The following SPATA6 variants were observed in gnomAD, a reference collection of about 807,000 sequenced individuals.
SPATA6 encodes spermatogenesis associated 6.
SPATA6 carries 56 observed loss-of-function variants against 65.3 expected under a neutral mutation model. That is an observed-to-expected ratio of 0.86 (90% CI 0.69 to 1.07). The LOEUF is 1.07. Among genes scored for constraint, SPATA6 ranks in the 50% least tolerant of loss-of-function variants. The pLI is 0.00. For missense variants in SPATA6, 590 were observed against 594.8 expected, an observed-to-expected ratio of 0.99 and a Z score of 0.08; for synonymous variants, 199 against 213.2, an observed-to-expected ratio of 0.93 and a Z score of 0.58.
chr1:48,434,267 A>G lies in SPATA6; in HGVS notation c.238+17285T>C, dbSNP rs1654678218. ...GAGATACAGCAGTGAAAGAAAAAAA[A>G]AAAAAAAAAAACAGGAAAAATCTCT... On this transcript the variant is annotated intron_variant, in intron 3 of 12. Transcript: ENST00000371847. 2.6e-5 allele frequency among the ~76,000 whole-genome samples: 4 copies of G among 151,472 alleles called. No homozygotes were observed. In the South Asian group the frequency reaches 8.3e-4, roughly 31 times the overall value.
At chr1:48,378,708 C>T (rs917301370) in intron 9 of SPATA6, among the ~76,000 whole-genome samples, 9 of 152,164 alleles carry the variant, frequency 5.9e-5, no homozygotes, top group Non-Finnish European at 1.2e-4. Context: ...CAATCATCTC[C>T]CCCTGGGTAC....
chr1:48,273,018 C>T, the SPATA6 span, among the ~76,000 whole-genome samples: 1 of 152,044 alleles, frequency 6.6e-6, no homozygotes, highest in Non-Finnish European at 1.5e-5. Context: ...GGATTTAACC[C>T]CTTATTGAAT....
intron 11 of SPATA6, among the ~76,000 whole-genome samples, chr1:48,322,333 T>C (rs1280601079): frequency 2.0e-5 from 3 of 152,124 alleles, no homozygotes; most frequent in Admixed American, 2.0e-4. Flanking sequence ...ATTCCCTATA[T>C]AATAAATGGG....
chr1:48,364,075 G>C (rs1646912658), intron 9 of SPATA6, among the ~76,000 whole-genome samples: 1 of 152,138 alleles, frequency 6.6e-6, no homozygotes, highest in South Asian at 2.1e-4. Context: ...CCTTGCGATA[G>C]TTTACTGAGA....
chr1:48,466,132 A>G (rs1657790905), intron 1 of SPATA6, among the ~76,000 whole-genome samples: 1 of 152,158 alleles, frequency 6.6e-6, no homozygotes, highest in Non-Finnish European at 1.5e-5. Flanking sequence ...CAATGATACT[A>G]GGAAATATGT....
downstream of SPATA6, among the ~76,000 whole-genome samples, chr1:48,293,603 T>C (rs1314080407): frequency 6.6e-6 from 1 of 152,214 alleles, no homozygotes; most frequent in Non-Finnish European, 1.5e-5. Flanking sequence ...ATGAGAGTAA[T>C]GCTAAGTTAC....
intron 11 of SPATA6, among the ~76,000 whole-genome samples, chr1:48,315,814 C>G (rs1645396847): frequency 6.6e-6 from 1 of 152,130 alleles, no homozygotes; most frequent in African/African-American, 2.4e-5. Context: ...CCAAAATCTC[C>G]TTAAGCTGAT....
intron 1 of SPATA6, among the ~76,000 whole-genome samples, chr1:48,454,253 T>C (rs1327814409): frequency 6.6e-6 from 1 of 152,102 alleles, no homozygotes; most frequent in East Asian, 1.9e-4. Flanking sequence ...GAGTACAATA[T>C]AATATTACCC....
At chr1:48,439,048 C>T (rs1273584520) in intron 3 of SPATA6, among the ~76,000 whole-genome samples, 1 of 152,190 alleles carries the variant, frequency 6.6e-6, no homozygotes, top group Non-Finnish European at 1.5e-5. Context: ...CTGGAGATCC[C>T]TTCCCTCCCT....
intron 3 of SPATA6, among the ~76,000 whole-genome samples, chr1:48,449,129 A>G (rs1006483641): frequency 2.0e-5 from 3 of 152,226 alleles, no homozygotes; most frequent in African/African-American, 7.2e-5. Context: ...TCAAAGTAAC[A>G]AAATTGCTGA....
chr1:48,324,259 C>T lies in SPATA6; in HGVS notation c.1195-18381G>A, dbSNP rs191591949. ...AGGGATGAGCCATCATGCCTTGCAA[C>T]GCAAACATTGGAAGTAGAACTAATA... On this transcript the variant is annotated intron_variant, in intron 11 of 12. Coordinates refer to ENST00000371847, the MANE Select transcript of SPATA6 (RefSeq NM_019073.4). 3.4e-3 allele frequency among the ~76,000 whole-genome samples: 518 copies of T among 152,204 alleles called. 2 individuals carry two copies. Among genetic ancestry groups the T allele is most frequent in the Middle Eastern group, 6.8e-3 (2 of 294 alleles).
intron 5 of SPATA6, among the ~76,000 whole-genome samples, chr1:48,408,244 T>G (rs1010520246): frequency 6.6e-6 from 1 of 152,232 alleles, no homozygotes; most frequent in Non-Finnish European, 1.5e-5. Context: ...ATACAATTAG[T>G]TTTAAAGGTC....
intron 8 of SPATA6, among the ~76,000 whole-genome samples, chr1:48,391,430 G>GAAAT (rs1437253620): frequency 1.3e-5 from 2 of 151,952 alleles, no homozygotes; most frequent in East Asian, 3.9e-4. Flanking sequence ...ATAATTTCTG[G>GAAAT]AAATAGTATG....
intron 3 of SPATA6, among the ~76,000 whole-genome samples, chr1:48,424,943 C>G (rs964010640): frequency 6.6e-6 from 1 of 152,118 alleles, no homozygotes; most frequent in African/African-American, 2.4e-5. Flanking sequence ...TGTGGGTTGT[C>G]TCTTCACTTT....
chr1:48,288,296 T>C, the SPATA6 span, among the ~76,000 whole-genome samples: 4 of 152,228 alleles, frequency 2.6e-5, no homozygotes, highest in Non-Finnish European at 2.9e-5. Context: ...ATGATGATGC[T>C]AGCCTCATAA....
At chr1:48,443,194 T>A (rs916227876) in intron 3 of SPATA6, among the ~76,000 whole-genome samples, 1 of 152,274 alleles carries the variant, frequency 6.6e-6, no homozygotes, top group African/African-American at 2.4e-5. Flanking sequence ...TAAGTGAATA[T>A]GGACTGAACG....
At chr1:48,378,275 G>T (rs1458235920) in intron 9 of SPATA6, among the ~76,000 whole-genome samples, 1 of 152,088 alleles carries the variant, frequency 6.6e-6, no homozygotes, top group Admixed American at 6.5e-5. Flanking sequence ...AGCTATTTTT[G>T]AATAGAAAAT....
chr1:48,457,626 CA>C (rs1657110294), intron 1 of SPATA6, among the ~76,000 whole-genome samples: 1 of 152,024 alleles, frequency 6.6e-6, no homozygotes, highest in African/African-American at 2.4e-5. Context: ...AGAAAACTTT[CA>C]AACAATAATT....
At position 48,368,614 on chromosome 1, in the gene SPATA6, C is replaced by A. The variant is rs192772091; in HGVS notation, c.910-8844G>T. On this transcript the variant is annotated intron_variant, in intron 9 of 12. Transcript: ENST00000371847. The stretch of plus-strand genomic sequence containing the variant: ...GCTCCTGAGGCTTCTGCATTCTTCA[C>A]GTAGTTCTCGAGCCTTGGCTTTCAG... Among the ~76,000 whole-genome samples, 50 of 152,318 alleles carry A rather than the reference C, an allele frequency of 3.3e-4. No individual in the cohort carries two copies. In the East Asian group the frequency reaches 7.7e-3, roughly 23 times the overall value.
Sources: allele counts gnomAD v4.1 joint callset (sites outside exome capture counted in the v4.1 genomes callset), GRCh38; gene constraint gnomAD v4.1.1; transcripts MANE v1.5; gene names NCBI Gene and HGNC (gene_info 2026-07-23, HGNC 2026-07-21).